MAGI1: variants seen among roughly 807,000 people sequenced by gnomAD.
MAGI1 encodes the protein membrane associated guanylate kinase, WW and PDZ domain containing 1.
A neutral mutation model predicts 139.9 loss-of-function variants in MAGI1; 58 were observed. That is an observed-to-expected ratio of 0.41 (90% CI 0.34 to 0.52). The LOEUF is 0.52. Among genes scored for constraint, MAGI1 ranks in the 20% least tolerant of loss-of-function variants. The pLI, the probability that MAGI1 is intolerant of heterozygous loss-of-function variation, is 0.12. For missense variants in MAGI1, 1,874 were observed against 1,901.6 expected (o/e 0.99, Z 0.27); for synonymous variants, 812 against 737.9 (o/e 1.10, Z -1.63).
chr3:65,909,263 G>T (rs191317983), intron 1 of MAGI1, among the ~76,000 whole-genome samples: 3 of 152,060 alleles, frequency 2.0e-5, no homozygotes, highest in African/African-American at 7.2e-5. Context: ...GGTGGCTCAT[G>T]CCTGTAATCT....
intron 1 of MAGI1, among the ~76,000 whole-genome samples, chr3:65,916,911 T>C (rs1206569232): frequency 6.6e-6 from 1 of 152,198 alleles, no homozygotes; most frequent in Admixed American, 6.5e-5. Flanking sequence ...ATTGTATACT[T>C]TTTAAAATCT....
At chr3:65,461,992 T>G (rs1238882932) in intron 5 of MAGI1, among the ~76,000 whole-genome samples, 1 of 152,188 alleles carries the variant, frequency 6.6e-6, no homozygotes, top group Non-Finnish European at 1.5e-5. Flanking sequence ...TGTAAATTTG[T>G]TTAAGTTCCT....
intron 1 of MAGI1, among the ~76,000 whole-genome samples, chr3:65,843,502 A>G (rs138517771): frequency 1.7e-4 from 26 of 152,336 alleles, no homozygotes; most frequent in Admixed American, 3.3e-4. Flanking sequence ...TGTGGAGTAA[A>G]GTAAATAAAC....
chr3:65,900,167 T>A (rs264675), intron 1 of MAGI1, among the ~76,000 whole-genome samples: 26,599 of 152,082 alleles, frequency 0.17, 2,626 homozygotes, highest in East Asian at 0.36. Flanking sequence ...ACCCATCGTC[T>A]TGCTTTGCAC....
intron 2 of MAGI1, among the ~76,000 whole-genome samples, chr3:65,527,888 T>C (rs969548883): frequency 7.4e-5 from 11 of 148,212 alleles, no homozygotes; most frequent in Admixed American, 2.0e-4. Context: ...GCCTGGGCAA[T>C]AGAGCAAGAC....
chr3:65,750,033 T>G (rs940191864), intron 1 of MAGI1, among the ~76,000 whole-genome samples: 2 of 152,096 alleles, frequency 1.3e-5, no homozygotes, highest in African/African-American at 4.8e-5. Context: ...AAACTCCTGG[T>G]GGCCAAGGCT....
At chr3:65,913,084 C>T (rs1462197295) in intron 1 of MAGI1, among the ~76,000 whole-genome samples, 1 of 152,004 alleles carries the variant, frequency 6.6e-6, no homozygotes, top group East Asian at 1.9e-4. Flanking sequence ...CCAGCCTGGC[C>T]AACATGGTGA....
intron 1 of MAGI1, among the ~76,000 whole-genome samples, chr3:65,784,117 C>T (rs2039178133): frequency 7.1e-6 from 1 of 141,364 alleles, no homozygotes; most frequent in African/African-American, 2.5e-5. Context: ...AGTGAGACTC[C>T]ATCTCAAAAA....
rs553668389 is a variant in MAGI1 at position 65,743,969 on chromosome 3, A to T, written c.314-121881T>A. Among the ~76,000 whole-genome samples the T allele has an allele frequency of 2.2e-3, 336 of 152,094 alleles. 3 individuals are homozygous for T. The highest frequency in any genetic ancestry group is 3.9e-3 in the Non-Finnish European group (264 of 67,984). ...GTTATTCTAAAACTTTAAAATAAAA[A>T]AAAAAAGTGAGACTTAACATTCCTT... is the stretch of plus-strand genomic sequence containing the variant. On this transcript the variant is annotated intron_variant, in intron 1 of 22. Transcript: ENST00000402939.
At chr3:65,790,367 T>TG (rs2039677481) in intron 1 of MAGI1, among the ~76,000 whole-genome samples, 1 of 152,212 alleles carries the variant, frequency 6.6e-6, no homozygotes, top group South Asian at 2.1e-4. Context: ...GGAAGTCCAC[T>TG]GAGGCCTCCT....
intron 1 of MAGI1, among the ~76,000 whole-genome samples, chr3:65,765,434 T>C (rs567580890): frequency 4.0e-4 from 61 of 152,324 alleles, no homozygotes; most frequent in African/African-American, 1.4e-3. Context: ...GTCTCATTAA[T>C]GCCCTTTACA....
intron 1 of MAGI1, among the ~76,000 whole-genome samples, chr3:65,649,520 T>G (rs180967781): frequency 6.6e-6 from 1 of 152,256 alleles, no homozygotes; most frequent in Admixed American, 6.5e-5. Flanking sequence ...ATTAACAACT[T>G]TTTTTCCTGC....
At chr3:65,489,396 G>C (rs7651251) in intron 3 of MAGI1, among the ~76,000 whole-genome samples, 2,828 of 152,076 alleles carry the variant, frequency 0.019, 79 homozygotes, top group African/African-American at 0.065. Flanking sequence ...GCATTAAAAG[G>C]CTTGCTTTAA....
chr3:65,913,706 G>C (rs1378405918), intron 1 of MAGI1, among the ~76,000 whole-genome samples: 4 of 152,312 alleles, frequency 2.6e-5, no homozygotes, highest in African/African-American at 7.2e-5. Context: ...TATTTGCAAA[G>C]AGCATCCTTC....
intron 12 of MAGI1, among the ~76,000 whole-genome samples, chr3:65,414,104 T>C (rs1452938818): frequency 6.6e-6 from 1 of 152,224 alleles, no homozygotes; most frequent in Non-Finnish European, 1.5e-5. Context: ...AATGAAGCTC[T>C]AATCAGGCTT....
chr3:65,618,876 T>C (rs9880851), intron 2 of MAGI1, among the ~76,000 whole-genome samples: 39,774 of 152,030 alleles, frequency 0.26, 5,363 homozygotes, highest in Middle Eastern at 0.37. Flanking sequence ...GCCAGCAGAG[T>C]AGCCCTCAGA....
At chr3:65,731,407 C>T (rs1328078412) in intron 1 of MAGI1, among the ~76,000 whole-genome samples, 4 of 151,516 alleles carry the variant, frequency 2.6e-5, no homozygotes, top group South Asian at 2.1e-4. Context: ...AATTCCAGCA[C>T]TTTGGGAGGC....
intron 1 of MAGI1, among the ~76,000 whole-genome samples, chr3:65,964,535 G>A (rs972752023): frequency 1.3e-5 from 2 of 151,950 alleles, no homozygotes; most frequent in African/African-American, 2.4e-5. Context: ...GTGCGGGGGC[G>A]GGGGGAACCA....
intron 5 of MAGI1, among the ~76,000 whole-genome samples, chr3:65,461,896 C>T (rs1949823061): frequency 6.6e-6 from 1 of 152,048 alleles, no homozygotes; most frequent in Admixed American, 6.6e-5. Context: ...CTTTTTTTCA[C>T]ATATTTGTTG....
Sources: allele counts gnomAD v4.1 joint callset (sites outside exome capture counted in the v4.1 genomes callset), GRCh38; gene constraint gnomAD v4.1.1; transcripts MANE v1.5; gene names NCBI Gene and HGNC (gene_info 2026-07-23, HGNC 2026-07-21).